The following SCAPER variants were observed in gnomAD, a reference collection of about 807,000 sequenced individuals.
SCAPER encodes the protein S phase cyclin A-associated protein in the endoplasmic reticulum.
A neutral mutation model predicts 182.2 loss-of-function variants in SCAPER; 98 were observed. The ratio of observed to expected loss-of-function variants is 0.54; its 90% CI spans 0.46 to 0.64. The LOEUF is 0.64. Ranked by LOEUF, SCAPER falls within the 30% of genes least tolerant of loss-of-function variation. The pLI, the probability that SCAPER is intolerant of heterozygous loss-of-function variation, is 0.00. For missense variants in SCAPER, 1,432 were observed against 1,690.0 expected (o/e 0.85, Z 2.68); for synonymous variants, 605 against 564.6 (o/e 1.07, Z -1.01).
chr15:76,638,211 ATCTTTT>A (rs1321140949), intron 21 of SCAPER, among the ~76,000 whole-genome samples: 1 of 152,184 alleles, frequency 6.6e-6, no homozygotes, highest in African/African-American at 2.4e-5. Flanking sequence ...CAGTAAGGTC[ATCTTTT>A]TCTTTTTCTT....
At chr15:76,779,972 A>C (rs1250375358) in intron 8 of SCAPER, among the ~76,000 whole-genome samples, 1 of 152,202 alleles carries the variant, frequency 6.6e-6, no homozygotes, top group African/African-American at 2.4e-5. Flanking sequence ...ATCGACGCAG[A>C]AGAAAGGATT....
At chr15:76,865,321 C>T (rs927478118) in intron 2 of SCAPER, among the ~76,000 whole-genome samples, 20 of 151,964 alleles carry the variant, frequency 1.3e-4, no homozygotes, top group African/African-American at 4.3e-4. Flanking sequence ...AAAGCAACAG[C>T]CATAAGACTG....
intron 23 of SCAPER, among the ~76,000 whole-genome samples, chr15:76,548,094 T>C (rs1355697781): frequency 8.3e-6 from 1 of 119,996 alleles, no homozygotes; most frequent in Non-Finnish European, 1.7e-5. Context: ...CATAAAATCT[T>C]ATTTCTTTTA....
intron 23 of SCAPER, among the ~76,000 whole-genome samples, chr15:76,518,942 C>T (rs913290098): frequency 2.0e-5 from 3 of 152,144 alleles, no homozygotes; most frequent in African/African-American, 7.2e-5. Flanking sequence ...GTTAATATTG[C>T]CCCACTGAAT....
intron 23 of SCAPER, among the ~76,000 whole-genome samples, chr15:76,520,908 A>G (rs140817278): frequency 5.9e-5 from 9 of 152,230 alleles, no homozygotes; most frequent in Middle Eastern, 3.2e-3. Flanking sequence ...TAAAATGTCT[A>G]TAAAGTGAAT....
At chr15:76,733,449 G>T in intron 15 of SCAPER, 65 bp from the exon 16 acceptor site, 2 of 1,551,738 alleles carry the variant, frequency 1.3e-6, no homozygotes, top group Non-Finnish European at 8.7e-7. Flanking sequence ...ACAAAAATAA[G>T]AAATCTAACA....
intron 2 of SCAPER, among the ~76,000 whole-genome samples, chr15:76,881,387 C>T (rs566187792): frequency 6.6e-6 from 1 of 152,324 alleles, no homozygotes; most frequent in Non-Finnish European, 1.5e-5. Context: ...TAAGCCATTG[C>T]GTCTGGCCTG....
intron 20 of SCAPER, among the ~76,000 whole-genome samples, chr15:76,681,550 G>T (rs2057703791): frequency 6.6e-6 from 1 of 152,162 alleles, no homozygotes; most frequent in Non-Finnish European, 1.5e-5. Flanking sequence ...CTGTCAGGGG[G>T]AAGCAGCGAG....
chr15:76,780,505 A>G (rs2064052003), intron 8 of SCAPER, among the ~76,000 whole-genome samples: 1 of 152,216 alleles, frequency 6.6e-6, no homozygotes, highest in African/African-American at 2.4e-5. Flanking sequence ...TCCAGGTTTG[A>G]CAGCTCTAAA....
rs996559489 is a variant in SCAPER, at chr15:76,873,359, C to A, written c.6+10453G>T. Among the ~76,000 whole-genome samples, 1,160 of 143,376 alleles carry A rather than the reference C, an allele frequency of 8.1e-3. 9 individuals carry two copies. The highest frequency in any genetic ancestry group is 0.011 in the Admixed American group (163 of 14,490). The allele number at this position is 143,376 out of a possible 152,430, so 94.1% of individuals were successfully genotyped here. ...GCAGGCAGGCAGGCAGGCAGGCAGG[C>A]AGGCAGGCAGGCAGGCAGGCAGGCA... On this transcript the variant is annotated intron_variant, in intron 2 of 31. Transcript: ENST00000563290.
At position 76,728,655 on chromosome 15, in the gene SCAPER, A is replaced by G. The variant is rs2060731755; in HGVS notation, c.2105T>C (p.Ile702Thr). The G allele has an allele frequency of 2.5e-6, 4 of 1,613,552 alleles. No homozygotes were observed. Among genetic ancestry groups the G allele is most frequent in the African/African-American group, 1.3e-5 (1 of 74,902 alleles). ...LMKRKEQEARIEQQRQEKEKA... is the reference protein window; with the variant it reads ...LMKRKEQEARTEQQRQEKEKA... ...TTCCTTTTCTTGCCTCTGTTGTTCA[A>G]TTCGGGCTTCTTGTTCTTTCCTCTT... is the stretch of plus-strand genomic sequence containing the variant. The change falls in exon 17 of 32, where the codon ATT becomes ACT. Residue 702 changes from isoleucine to threonine, a missense_variant. Ile to Thr is a moderately conservative substitution (Grantham distance 89, BLOSUM62 -1). Coordinates refer to ENST00000563290, the MANE Select transcript of SCAPER (RefSeq NM_020843.4).
chr15:76,812,978 G>A, intron 5 of SCAPER, among the ~76,000 whole-genome samples: 1 of 147,816 alleles, frequency 6.8e-6, no homozygotes, highest in Non-Finnish European at 1.5e-5. Context: ...GTCAGAAAAA[G>A]ATAACACAAA....
At chr15:76,453,062 G>A (rs2048486032) in intron 25 of SCAPER, among the ~76,000 whole-genome samples, 1 of 152,116 alleles carries the variant, frequency 6.6e-6, no homozygotes, top group South Asian at 2.1e-4. Flanking sequence ...TCAAACTGCT[G>A]GCCTCCAGCG....
intron 5 of SCAPER, among the ~76,000 whole-genome samples, chr15:76,819,577 C>T (rs2067356034): frequency 1.3e-5 from 2 of 152,158 alleles, no homozygotes; most frequent in African/African-American, 4.8e-5. Flanking sequence ...ACATCAAAAA[C>T]CCATCTGTAC....
intron 23 of SCAPER, among the ~76,000 whole-genome samples, chr15:76,540,092 T>C (rs938422675): frequency 3.3e-5 from 5 of 152,232 alleles, no homozygotes; most frequent in East Asian, 1.9e-4. Flanking sequence ...TCTTTTTCAC[T>C]GCATTTTCTT....
chr15:76,857,931 A>G (rs1171951460), intron 3 of SCAPER, 52 bp from the exon 4 acceptor site: 1 of 1,268,130 alleles, frequency 7.9e-7, no homozygotes, highest in African/African-American at 1.5e-5. Flanking sequence ...GATAGATAGT[A>G]TAAAATTGAA....
At chr15:76,556,267 A>G (rs1361990490) in intron 23 of SCAPER, among the ~76,000 whole-genome samples, 1 of 152,202 alleles carries the variant, frequency 6.6e-6, no homozygotes, top group Non-Finnish European at 1.5e-5. Flanking sequence ...ACACAGTTAA[A>G]GCAGTGTAAG....
intron 21 of SCAPER, among the ~76,000 whole-genome samples, chr15:76,632,283 G>A (rs1215646937): frequency 6.6e-6 from 1 of 151,990 alleles, no homozygotes; most frequent in South Asian, 2.1e-4. Flanking sequence ...TCCACCTGCT[G>A]GGTTCAAACA....
intron 23 of SCAPER, among the ~76,000 whole-genome samples, chr15:76,569,074 G>C (rs544150395): frequency 5.9e-5 from 9 of 151,686 alleles, no homozygotes; most frequent in African/African-American, 2.2e-4. Flanking sequence ...TTTTCCACTA[G>C]TTAGAACCCC....
Sources: allele counts gnomAD v4.1 joint callset (sites outside exome capture counted in the v4.1 genomes callset), GRCh38; gene constraint gnomAD v4.1.1; transcripts MANE v1.5; gene names NCBI Gene and HGNC (gene_info 2026-07-23, HGNC 2026-07-21).